Variants in RNF212B observed in about 807,000 individuals in gnomAD.
RNF212B encodes ring finger protein 212B, also known as E3 ubiquitin-protein ligase RNF212B.
In RNF212B, 52 loss-of-function variants were observed where a neutral mutation model predicts 55.5. The observed-to-expected ratio is 0.94, with a 90% CI of 0.75 to 1.18. RNF212B has a LOEUF of 1.18. RNF212B is among the 50% of genes most tolerant of loss of function. RNF212B has a pLI of 0.00. For synonymous variants in RNF212B, 99 were observed against 121.4 expected, an observed-to-expected ratio of 0.82 and a Z score of 1.21; for missense variants, 289 against 350.4, an observed-to-expected ratio of 0.82 and a Z score of 1.40.
intron 2 of RNF212B, among the ~76,000 whole-genome samples, chr14:23,196,827 T>A (rs1422424861): frequency 6.6e-6 from 1 of 152,140 alleles, no homozygotes; most frequent in Admixed American, 6.5e-5. Context: ...TATTCATCCT[T>A]CTGATTTAGC....
upstream of RNF212B, among the ~76,000 whole-genome samples, chr14:23,234,297 CGTGT>C (rs368094093): frequency 1.3e-5 from 2 of 148,736 alleles, no homozygotes; most frequent in African/African-American, 2.5e-5. Flanking sequence ...CTTTACTTTT[CGTGT>C]GTGTGTGTGT....
At chr14:23,199,721 C>A (rs142562760) in intron 2 of RNF212B, among the ~76,000 whole-genome samples, 44 of 152,154 alleles carry the variant, frequency 2.9e-4, no homozygotes, top group African/African-American at 9.6e-4. Context: ...GGAGAAAAAA[C>A]AACAACAAAC....
rs1295310720 is a variant in RNF212B at position 23,258,662 on chromosome 14, CAAGT to C, written c.344+5_344+8del. ...CACAGCAAGCACTGGTGAGCCAGGA[CAAGT>C]AAGTAACAAATCAAGTCCCAAGAGA... On this transcript the variant is annotated splice_donor_variant and coding_sequence_variant, in exon 5 of 15. Transcript: ENST00000430154. LOFTEE classifies it high-confidence loss of function. 10 of 1,180,436 alleles carry C rather than the reference CAAGT, an allele frequency of 8.5e-6. No homozygotes were observed. The highest frequency in any genetic ancestry group is 2.1e-4 in the Middle Eastern group (1 of 4,824). The allele number at this position is 1,180,436 out of a possible 1,614,324, so 73.1% of individuals were successfully genotyped here. A position where few individuals can be genotyped will look rare whatever the true frequency, so the allele number is the denominator to read the frequency against.
intron 2 of RNF212B, among the ~76,000 whole-genome samples, chr14:23,231,734 T>C (rs550661053): frequency 1.4e-5 from 2 of 146,232 alleles, no homozygotes; most frequent in South Asian, 2.5e-4. Context: ...CACTGCAACC[T>C]CCCTGCCTGA....
In RNF212B at chr14:23,261,088, T is replaced by C. The variant is rs980764907; in HGVS notation, c.434+401T>C. Among the ~76,000 whole-genome samples, 3 of 152,194 alleles carry C rather than the reference T, an allele frequency of 2.0e-5. No homozygotes were observed. In the South Asian group the frequency reaches 6.2e-4, roughly 32 times the overall value. ...ACCTTACTGCTGTGTCCGGTTTCCA[T>C]TGGCTGGAACCAGACCTCACATTCT... On this transcript the variant is annotated intron_variant, in intron 7 of 14. Coordinates refer to ENST00000430154, the MANE Select transcript of RNF212B (RefSeq NM_001282322.3).
intron 1 of RNF212B, among the ~76,000 whole-genome samples, 121 bp downstream of exon 1, chr14:23,238,176 T>C (rs1172635265): frequency 6.6e-6 from 1 of 152,158 alleles, no homozygotes; most frequent in Non-Finnish European, 1.5e-5. Context: ...ACTGCCTTTT[T>C]TATGTTGGGC....
intron 4 of RNF212B, among the ~76,000 whole-genome samples, chr14:23,256,660 C>T (rs907314719): frequency 2.6e-5 from 4 of 152,140 alleles, no homozygotes; most frequent in African/African-American, 4.8e-5. Context: ...GCATGAGCCA[C>T]CACGCCTGGC....
chr14:23,271,385 G>A (rs1886067431), intron 14 of RNF212B, among the ~76,000 whole-genome samples: 1 of 151,778 alleles, frequency 6.6e-6, no homozygotes, highest in African/African-American at 2.4e-5. Flanking sequence ...GGAGCTTGCA[G>A]TGAGCCGAGA....
intron 4 of RNF212B, among the ~76,000 whole-genome samples, chr14:23,252,954 C>T (rs1177231777): frequency 6.6e-6 from 1 of 152,068 alleles, no homozygotes; most frequent in Non-Finnish European, 1.5e-5. Context: ...ATATTTCTGT[C>T]CAGAGCCAAG....
chr14:23,243,136 A>T (rs1229751445), intron 2 of RNF212B, 120 bp from the exon 3 acceptor site: 1 of 661,852 alleles, frequency 1.5e-6, no homozygotes, highest in Non-Finnish European at 2.6e-6. Flanking sequence ...TTCTAAATTC[A>T]GTTAAGAACC....
Position 23,258,593 on chromosome 14 carries a change from T to C in RNF212B, c.273T>C (p.Phe91=), listed in dbSNP as rs1885037030. The C allele has an allele frequency of 1.3e-6, 2 of 1,546,126 alleles. No homozygotes were observed. Among genetic ancestry groups the C allele is most frequent in the Non-Finnish European group, 1.7e-6 (2 of 1,144,988 alleles). ...AACAAACAGATCTCCTCATCGCCTT[T>C]TATAAGCATAGAATTACAAAGTTAG... The part of the protein sequence containing the change: ...QKKQTDLLIA[F]YKHRITKLET... The change falls in exon 5 of 15, where the codon TTT becomes TTC. Residue 91 remains phenylalanine, a synonymous_variant. Coordinates refer to ENST00000430154, the MANE Select transcript of RNF212B (RefSeq NM_001282322.3).
intron 2 of RNF212B, among the ~76,000 whole-genome samples, chr14:23,202,247 T>A (rs1480923962): frequency 3.2e-5 from 1 of 31,102 alleles, no homozygotes; most frequent in East Asian, 9.2e-4. Flanking sequence ...CAAGACCCTG[T>A]CTTAAAAAAA....
chr14:23,260,831 G>T (rs1594944599), intron 7 of RNF212B, 144 bp downstream of exon 7: 1 of 746,994 alleles, frequency 1.3e-6, no homozygotes, highest in East Asian at 2.8e-5. Context: ...GTTACTGAAA[G>T]TGCCGAAGTA....
chr14:23,260,799 T>C (rs1885239887), intron 7 of RNF212B, 112 bp downstream of exon 7: 3 of 991,064 alleles, frequency 3.0e-6, no homozygotes, highest in Admixed American at 4.5e-5. Flanking sequence ...AATTTAGCTT[T>C]CACTTCTCCG....
intron 1 of RNF212B, among the ~76,000 whole-genome samples, chr14:23,238,774 A>ATCATCATCATCATCATC (rs1555316061): frequency 8.4e-6 from 1 of 119,648 alleles, no homozygotes; most frequent in African/African-American, 2.7e-5. Context: ...TAATAATAAT[A>ATCATCATCATCATCATC]ATAATAATCC....
intron 2 of RNF212B, among the ~76,000 whole-genome samples, chr14:23,227,363 A>T (rs554165583): frequency 6.6e-6 from 1 of 152,206 alleles, no homozygotes; most frequent in East Asian, 1.9e-4. Context: ...AAGCAGGACA[A>T]TGGTTGCCTT....
At chr14:23,260,194 A>T (rs1012088523) in intron 6 of RNF212B, among the ~76,000 whole-genome samples, 1 of 152,172 alleles carries the variant, frequency 6.6e-6, no homozygotes, top group Non-Finnish European at 1.5e-5. Context: ...ACCAGTTGGA[A>T]AGCTCTCTTA....
At chr14:23,222,305 C>T (rs528420840) in intron 2 of RNF212B, among the ~76,000 whole-genome samples, 17 of 151,754 alleles carry the variant, frequency 1.1e-4, no homozygotes, top group Non-Finnish European at 2.1e-4. Context: ...AAAAAGGAGA[C>T]ATAACTAATA....
chr14:23,216,405 C>T (rs562701170), intron 2 of RNF212B, among the ~76,000 whole-genome samples: 2 of 151,888 alleles, frequency 1.3e-5, no homozygotes, highest in East Asian at 3.9e-4. Flanking sequence ...GAGGAACATA[C>T]AGAAAACAAA....
Sources: allele counts gnomAD v4.1 joint callset (sites outside exome capture counted in the v4.1 genomes callset), GRCh38; gene constraint gnomAD v4.1.1; transcripts MANE v1.5; gene names NCBI Gene and HGNC (gene_info 2026-07-23, HGNC 2026-07-21).